The following DPP6 variants were observed in gnomAD, a reference collection of about 807,000 sequenced individuals.
DPP6 encodes dipeptidyl peptidase like 6.
In DPP6, 69 loss-of-function variants were observed where a neutral mutation model predicts 122.6. The ratio of observed to expected loss-of-function variants is 0.56; its 90% CI spans 0.46 to 0.69. The LOEUF (loss-of-function observed/expected upper bound fraction) is 0.69. Ranked by LOEUF, DPP6 falls within the 30% of genes least tolerant of loss-of-function variation. DPP6 has a pLI of 0.00. For missense variants in DPP6, 928 were observed against 1,116.9 expected (o/e 0.83, Z 2.41); for synonymous variants, 418 against 433.1 (o/e 0.97, Z 0.43).
chr7:154,113,982 G>T (rs1264096855), intron 1 of DPP6, among the ~76,000 whole-genome samples: 2 of 152,096 alleles, frequency 1.3e-5, no homozygotes, highest in African/African-American at 4.8e-5. Context: ...AGGGCAATTA[G>T]GCAAGAGAAA....
At chr7:154,480,624 C>T (rs78346927) in intron 3 of DPP6, among the ~76,000 whole-genome samples, 15,646 of 152,162 alleles carry the variant, frequency 0.1, 1,024 homozygotes, top group Non-Finnish European at 0.15. Flanking sequence ...CATGGCTGCA[C>T]GCCCTCCCTT....
the DPP6 span, among the ~76,000 whole-genome samples, chr7:153,826,766 G>C: frequency 6.6e-6 from 1 of 152,022 alleles, no homozygotes; most frequent in Non-Finnish European, 1.5e-5. Context: ...AATAGATTAA[G>C]AATCCCAATA....
intron 4 of DPP6, among the ~76,000 whole-genome samples, chr7:154,554,771 A>G (rs149687543): frequency 4.8e-4 from 73 of 152,326 alleles, no homozygotes; most frequent in Non-Finnish European, 7.8e-4. Flanking sequence ...TGAGCAAAAT[A>G]TTAACAAGTG....
rs5888589 is a variant in DPP6 at position 154,709,047 on chromosome 7, C to CAA, written c.763-18715_763-18714dup. Among the ~76,000 whole-genome samples the CAA allele has an allele frequency of 3.4e-3, 509 of 149,778 alleles. 2 individuals are homozygous for CAA. Among genetic ancestry groups the CAA allele is most frequent in the Middle Eastern group, 0.017 (5 of 292 alleles). ...TCACCGACAGAGCAAGACTCTGTCT[C>CAA]AAAAAATAAATAAAAATAAAATAAC... On this transcript the variant is annotated intron_variant, in intron 7 of 25. Transcript: ENST00000377770.
intron 10 of DPP6, among the ~76,000 whole-genome samples, chr7:154,779,018 A>C (rs73167085): frequency 6.5e-4 from 41 of 63,350 alleles, no homozygotes; most frequent in Middle Eastern, 9.1e-3. Flanking sequence ...CCAGCACCCC[A>C]CCATCACCTC....
the DPP6 span, among the ~76,000 whole-genome samples, chr7:153,798,839 G>A: frequency 2.0e-5 from 3 of 152,170 alleles, no homozygotes; most frequent in South Asian, 2.1e-4. Context: ...CAGATCTTCA[G>A]GTATTAGATT....
chr7:154,190,349 GA>G (rs1378140006), intron 1 of DPP6, among the ~76,000 whole-genome samples: 1 of 152,050 alleles, frequency 6.6e-6, no homozygotes, highest in African/African-American at 2.4e-5. Flanking sequence ...GAGGAAAAGA[GA>G]GCGTTTATAT....
At chr7:153,836,072 T>C in the DPP6 span, among the ~76,000 whole-genome samples, 1 of 152,228 alleles carries the variant, frequency 6.6e-6, no homozygotes, top group Non-Finnish European at 1.5e-5. Flanking sequence ...AGTCTTCCTC[T>C]TCCTTATCTG....
At chr7:154,617,397 A>G (rs1305496588) in intron 5 of DPP6, among the ~76,000 whole-genome samples, 1 of 152,234 alleles carries the variant, frequency 6.6e-6, no homozygotes, top group East Asian at 1.9e-4. Flanking sequence ...TGCCATATCC[A>G]TCTTAGGAAT....
chr7:154,632,456 T>C lies in DPP6; in HGVS notation c.628-5365T>C, dbSNP rs146891891. The stretch of plus-strand genomic sequence containing the variant: ...GTAGGGGAAGCAAGGGGTCAAAGAA[T>C]GGAGGGAAGGAAAACTACATTTTCA... On this transcript the variant is annotated intron_variant, in intron 5 of 25. Coordinates refer to ENST00000377770, the MANE Select transcript of DPP6 (RefSeq NM_130797.4). Among the ~76,000 whole-genome samples the C allele has an allele frequency of 3.3e-3, 499 of 152,240 alleles. 6 individuals carry two copies. The highest frequency in any genetic ancestry group is 0.011 in the African/African-American group (469 of 41,538).
At chr7:154,400,479 A>G (rs1815477246) in intron 1 of DPP6, among the ~76,000 whole-genome samples, 1 of 152,194 alleles carries the variant, frequency 6.6e-6, no homozygotes, top group South Asian at 2.1e-4. Context: ...TCATGAGGAA[A>G]GGCTCCTTGG....
intron 5 of DPP6, among the ~76,000 whole-genome samples, chr7:154,615,544 T>C (rs1586737873): frequency 6.6e-6 from 1 of 152,358 alleles, no homozygotes; most frequent in Admixed American, 6.5e-5. Context: ...CGTAAGTAAG[T>C]ATACGATTCA....
At chr7:154,864,185 AG>A (rs1803664059) in intron 17 of DPP6, among the ~76,000 whole-genome samples, 1 of 152,222 alleles carries the variant, frequency 6.6e-6, no homozygotes, top group Non-Finnish European at 1.5e-5. Flanking sequence ...TAGAAATGTG[AG>A]AAAGGGAAGC....
At chr7:153,802,330 C>T in the DPP6 span, among the ~76,000 whole-genome samples, 1 of 152,178 alleles carries the variant, frequency 6.6e-6, no homozygotes, top group Non-Finnish European at 1.5e-5. Flanking sequence ...TCACCTGTGC[C>T]TACTGGTGGG....
At chr7:154,620,407 A>T (rs966675762) in intron 5 of DPP6, among the ~76,000 whole-genome samples, 1 of 152,242 alleles carries the variant, frequency 6.6e-6, no homozygotes, top group African/African-American at 2.4e-5. Context: ...ATTAAAATTC[A>T]TCTCAAAGGC....
chr7:154,708,752 T>C (rs1159048475), intron 7 of DPP6, among the ~76,000 whole-genome samples: 1 of 152,202 alleles, frequency 6.6e-6, no homozygotes, highest in African/African-American at 2.4e-5. Flanking sequence ...GAATGTTTAA[T>C]AACATGGAAA....
chr7:154,597,578 A>C (rs1183862667), intron 5 of DPP6, among the ~76,000 whole-genome samples: 1 of 150,954 alleles, frequency 6.6e-6, no homozygotes, highest in Non-Finnish European at 1.5e-5. Context: ...GTGCCACTGC[A>C]CTCCAGCCCG....
intron 1 of DPP6, among the ~76,000 whole-genome samples, chr7:154,123,730 A>G (rs908008502): frequency 2.7e-4 from 39 of 145,214 alleles, no homozygotes; most frequent in African/African-American, 9.4e-4. Context: ...ACCTGGGGAC[A>G]GTTGTGCTGC....
intron 1 of DPP6, among the ~76,000 whole-genome samples, chr7:154,425,609 T>TGG (rs1817826560): frequency 1.8e-5 from 2 of 113,080 alleles, no homozygotes; most frequent in Non-Finnish European, 3.5e-5. Context: ...AAAAAATGTG[T>TGG]GTGTGTGTGT....
Sources: gnomAD v4.1 joint callset for allele counts (sites outside exome capture counted in the v4.1 genomes callset) on GRCh38, gnomAD v4.1.1 for gene constraint, MANE v1.5 for transcripts, NCBI Gene and HGNC (gene_info 2026-07-23, HGNC 2026-07-21) for gene names.